FLACC1: variants seen among roughly 807,000 people sequenced by gnomAD.
The protein encoded by FLACC1 is flagellum-associated coiled-coil domain-containing protein 1.
In FLACC1, 66 loss-of-function variants were observed where a neutral mutation model predicts 62.8. That is an observed-to-expected ratio of 1.05 (90% CI 0.86 to 1.29). The LOEUF (loss-of-function observed/expected upper bound fraction) is 1.29, where lower values mean the gene tolerates loss of function less well. Among genes scored for constraint, FLACC1 ranks in the 50% most tolerant of loss-of-function variants. The pLI is 0.00. For missense variants in FLACC1, 452 were observed against 489.1 expected, an observed-to-expected ratio of 0.92 and a Z score of 0.71; for synonymous variants, 156 against 161.0, an observed-to-expected ratio of 0.97 and a Z score of 0.24.
intron 7 of FLACC1, among the ~76,000 whole-genome samples, chr2:201,333,388 T>A (rs1054870576): frequency 2.6e-5 from 4 of 152,194 alleles, no homozygotes; most frequent in African/African-American, 7.2e-5. Context: ...CTTACCCATT[T>A]TTTAATTGGA....
chr2:201,291,223 GCCT>G (rs1231872192), intron 12 of FLACC1, among the ~76,000 whole-genome samples: 13 of 152,322 alleles, frequency 8.5e-5, no homozygotes, highest in African/African-American at 2.9e-4. Context: ...TGGACAGACT[GCCT>G]CCTCAAGTGG....
intron 7 of FLACC1, among the ~76,000 whole-genome samples, chr2:201,334,330 C>G (rs1950652314): frequency 6.6e-6 from 1 of 152,188 alleles, no homozygotes; most frequent in South Asian, 2.1e-4. Flanking sequence ...CTCACTGGAT[C>G]ATGGTGGATG....
At chr2:201,354,358 C>T (rs1411854675) in intron 1 of FLACC1, among the ~76,000 whole-genome samples, 1 of 152,148 alleles carries the variant, frequency 6.6e-6, no homozygotes, top group Admixed American at 6.5e-5. Flanking sequence ...GAGACCTGGC[C>T]TTGGAAGAAA....
chr2:201,297,513 C>A (rs1483037399), intron 12 of FLACC1, among the ~76,000 whole-genome samples: 1 of 152,106 alleles, frequency 6.6e-6, no homozygotes, highest in African/African-American at 2.4e-5. Context: ...ACCAGAAGCC[C>A]ATGAAAGCTA....
At chr2:201,324,439 A>G (rs1950465279) in intron 9 of FLACC1, among the ~76,000 whole-genome samples, 1 of 152,232 alleles carries the variant, frequency 6.6e-6, no homozygotes, top group South Asian at 2.1e-4. Flanking sequence ...TGACAGCACT[A>G]GACAAGTCTT....
intron 3 of FLACC1, 82 bp from the exon 4 acceptor site, chr2:201,348,384 AC>A: frequency 7.1e-7 from 1 of 1,416,664 alleles, no homozygotes; most frequent in Non-Finnish European, 9.7e-7. Flanking sequence ...TGAGGCCGCC[AC>A]CATCTGACTT....
chr2:201,299,515 G>T (rs756109843), intron 11 of FLACC1, among the ~76,000 whole-genome samples: 4 of 152,116 alleles, frequency 2.6e-5, no homozygotes, highest in Non-Finnish European at 4.4e-5. Context: ...AATATTAAAA[G>T]AAATTATATT....
intron 9 of FLACC1, among the ~76,000 whole-genome samples, chr2:201,322,040 G>A (rs1209610949): frequency 1.3e-5 from 2 of 152,080 alleles, no homozygotes; most frequent in East Asian, 1.9e-4. Context: ...AGGCTGAGGC[G>A]GGTGGATCAC....
intron 11 of FLACC1, among the ~76,000 whole-genome samples, chr2:201,303,094 A>G (rs1950020818): frequency 7.8e-6 from 1 of 128,794 alleles, no homozygotes; most frequent in Non-Finnish European, 1.7e-5. Context: ...GCAGAACTGA[A>G]GGAGATAGAG....
intron 11 of FLACC1, among the ~76,000 whole-genome samples, chr2:201,305,965 A>G (rs1950096348): frequency 6.6e-6 from 1 of 152,046 alleles, no homozygotes; most frequent in Admixed American, 6.6e-5. Flanking sequence ...GGATAGCATT[A>G]GGAGATATAC....
At chr2:201,324,836 C>G (rs1375770682) in intron 9 of FLACC1, among the ~76,000 whole-genome samples, 1 of 152,016 alleles carries the variant, frequency 6.6e-6, no homozygotes, top group African/African-American at 2.4e-5. Context: ...GTTATCAAAA[C>G]CTCTGGGATA....
At chr2:201,300,309 C>T (rs1003537064) in intron 11 of FLACC1, among the ~76,000 whole-genome samples, 4 of 152,196 alleles carry the variant, frequency 2.6e-5, no homozygotes, top group Admixed American at 6.5e-5. Flanking sequence ...CCCACGCCCA[C>T]GGAGCTTTGC....
At chr2:201,312,280 C>A (rs552142425) in intron 9 of FLACC1, among the ~76,000 whole-genome samples, 1 of 152,264 alleles carries the variant, frequency 6.6e-6, no homozygotes, top group East Asian at 1.9e-4. Context: ...TTTCTATACA[C>A]CAATAATGTC....
chr2:201,347,893 A>C (rs1381515502), intron 4 of FLACC1, among the ~76,000 whole-genome samples: 1 of 152,174 alleles, frequency 6.6e-6, no homozygotes, highest in Non-Finnish European at 1.5e-5. Context: ...GGGTCCCGGC[A>C]GCCTCTCCCC....
At chr2:201,298,842 C>T (rs1273431831) in intron 12 of FLACC1, among the ~76,000 whole-genome samples, 1 of 152,172 alleles carries the variant, frequency 6.6e-6, no homozygotes, top group Non-Finnish European at 1.5e-5. Flanking sequence ...GTGTGAGGTA[C>T]ATTCAGAGCT....
chr2:201,340,399 A>G (rs921144691), intron 7 of FLACC1, among the ~76,000 whole-genome samples: 47 of 152,176 alleles, frequency 3.1e-4, no homozygotes, highest in African/African-American at 1.0e-3. Context: ...GCTACTGCTA[A>G]AGATTTTTAT....
chr2:201,324,600 T>G (rs544928798), intron 9 of FLACC1, among the ~76,000 whole-genome samples: 40 of 152,364 alleles, frequency 2.6e-4, no homozygotes, highest in African/African-American at 9.6e-4. Context: ...ATAGGCCATA[T>G]GATAGGTCAC....
At position 201,289,561 on chromosome 2, in the gene FLACC1, A is replaced by C. The variant is rs769747993; in HGVS notation, c.1038T>G (p.Ala346=). Residue 346 remains alanine, a synonymous_variant, in exon 14 of 15, where the codon GCT becomes GCG. Transcript: ENST00000392257. ...YTQLELQKEK[A]IVGNLEKMLQ... is the part of the protein sequence containing the mutation. ...GCATTTTCTCCAGATTTCCCACTATAGCTTTCTGAAAGACATACATTTTAA... is the reference window on the plus strand; with the variant it reads ...GCATTTTCTCCAGATTTCCCACTATCGCTTTCTGAAAGACATACATTTTAA... The C allele has an allele frequency of 1.9e-6, 3 of 1,614,004 alleles. No individual in the cohort carries two copies. Among genetic ancestry groups the C allele is most frequent in the Non-Finnish European group, 2.5e-6 (3 of 1,180,014 alleles).
At chr2:201,307,977 T>C (rs1173571803) in intron 10 of FLACC1, among the ~76,000 whole-genome samples, 35 of 152,240 alleles carry the variant, frequency 2.3e-4, no homozygotes, top group Admixed American at 2.3e-3. Flanking sequence ...CTAACATTAC[T>C]TTGCCAGCAA....
Sources: allele counts gnomAD v4.1 joint callset (sites outside exome capture counted in the v4.1 genomes callset), GRCh38; gene constraint gnomAD v4.1.1; transcripts MANE v1.5; gene names NCBI Gene and HGNC (gene_info 2026-07-23, HGNC 2026-07-21).